Variants in UCK2 observed in about 807,000 individuals in gnomAD.
The protein encoded by UCK2 is uridine-cytidine kinase 2.
A neutral mutation model predicts 30.8 loss-of-function variants in UCK2; 6 were observed. The observed-to-expected ratio is 0.19, with a 90% CI of 0.11 to 0.38. The LOEUF (loss-of-function observed/expected upper bound fraction) is 0.38. UCK2 is among the 10% of genes least tolerant of loss of function. The pLI, the probability that UCK2 is intolerant of heterozygous loss-of-function variation, is 1.00. For synonymous variants in UCK2, 125 were observed against 133.6 expected (o/e 0.94, Z 0.45); for missense variants, 210 against 339.8 (o/e 0.62, Z 3.00).
intron 1 of UCK2, among the ~76,000 whole-genome samples, chr1:165,841,240 A>G (rs1026527181): frequency 2.0e-5 from 3 of 151,618 alleles, no homozygotes; most frequent in African/African-American, 4.8e-5. Context: ...CTGGAGTGCA[A>G]TGGCACGATC....
chr1:165,845,387 C>A (rs1271945914), intron 1 of UCK2, among the ~76,000 whole-genome samples: 1 of 152,104 alleles, frequency 6.6e-6, no homozygotes, highest in Non-Finnish European at 1.5e-5. Flanking sequence ...AAAGCTTTTC[C>A]TTTTCAATTA....
chr1:165,847,484 C>T (rs1452035938), intron 1 of UCK2, among the ~76,000 whole-genome samples: 1 of 152,176 alleles, frequency 6.6e-6, no homozygotes, highest in Non-Finnish European at 1.5e-5. Flanking sequence ...TTTAAATCCT[C>T]TAGCTATTTC....
intron 1 of UCK2, among the ~76,000 whole-genome samples, chr1:165,854,168 G>A (rs1305690275): frequency 6.6e-6 from 1 of 152,204 alleles, no homozygotes; most frequent in African/African-American, 2.4e-5. Context: ...GGAGCAGTGG[G>A]ATCTGGAGTG....
chr1:165,902,922 G>A lies in UCK2; in HGVS notation c.500-260G>A, dbSNP rs115172392. 2.1e-3 allele frequency: 618 copies of A among 293,760 alleles called. 4 individuals carry two copies. Among genetic ancestry groups the A allele is most frequent in the African/African-American group, 0.012 (575 of 46,370 alleles). 18.2% of individuals were successfully genotyped at this position (293,760 alleles called of 1,614,324 possible). A position where few individuals can be genotyped will look rare whatever the true frequency, so the allele number is the denominator to read the frequency against. On this transcript the variant is annotated intron_variant, in intron 4 of 6. Coordinates refer to ENST00000367879, the MANE Select transcript of UCK2 (RefSeq NM_012474.5). Reference sequence around the variant, plus strand: ...AGCAAATGTTGCTTGAAACAAGAAGGCTGTTGGCCTCCATGGACAGCCTTT... The same window carrying A: ...AGCAAATGTTGCTTGAAACAAGAAGACTGTTGGCCTCCATGGACAGCCTTT...
intron 4 of UCK2, among the ~76,000 whole-genome samples, chr1:165,901,505 G>A (rs192605327): frequency 6.8e-4 from 103 of 152,224 alleles, no homozygotes; most frequent in Middle Eastern, 3.4e-3. Context: ...CAGAAGTTCC[G>A]TCACAGATAT....
chr1:165,877,950 G>A (rs371050985), intron 1 of UCK2, among the ~76,000 whole-genome samples: 4 of 152,134 alleles, frequency 2.6e-5, no homozygotes, highest in African/African-American at 7.2e-5. Context: ...AGAGAGGTAC[G>A]TTGGTCACAG....
intron 1 of UCK2, among the ~76,000 whole-genome samples, chr1:165,862,277 A>G (rs560196212): frequency 5.3e-5 from 8 of 152,156 alleles, no homozygotes; most frequent in Non-Finnish European, 1.2e-4. Context: ...TTCATGCTGC[A>G]TTCTAAACAA....
intron 1 of UCK2, 60 bp downstream of exon 1, chr1:165,827,992 G>A (rs1653934371): frequency 1.7e-6 from 2 of 1,205,976 alleles, no homozygotes; most frequent in African/African-American, 1.6e-5. Flanking sequence ...CGGCGCATGT[G>A]GCCGGCGGCC....
intron 1 of UCK2, among the ~76,000 whole-genome samples, chr1:165,857,119 T>C (rs1306222068): frequency 6.6e-6 from 1 of 152,108 alleles, no homozygotes; most frequent in Non-Finnish European, 1.5e-5. Context: ...GGGTAGATGG[T>C]ATTATTCACC....
intron 1 of UCK2, among the ~76,000 whole-genome samples, chr1:165,846,888 A>C (rs1051666380): frequency 1.3e-5 from 2 of 152,104 alleles, no homozygotes; most frequent in African/African-American, 2.4e-5. Flanking sequence ...CATCAGGTGG[A>C]TGTATGGGCT....
chr1:165,906,478 TG>T, intron 6 of UCK2, among the ~76,000 whole-genome samples: 1 of 152,174 alleles, frequency 6.6e-6, no homozygotes. Context: ...CTCCAATTCC[TG>T]GGCCCAGCCT....
At chr1:165,833,376 G>A (rs971871253) in intron 1 of UCK2, among the ~76,000 whole-genome samples, 4 of 152,020 alleles carry the variant, frequency 2.6e-5, no homozygotes, top group African/African-American at 7.3e-5. Flanking sequence ...AAGGATGTCC[G>A]CATTTGCTGT....
Position 165,908,085 on chromosome 1 carries a change from A to C in UCK2, c.*262A>C, listed in dbSNP as rs1324569193. On this transcript the variant is annotated 3_prime_UTR_variant, in exon 7 of 7. Transcript: ENST00000367879. ...ATGAATCCAACGTGTAACCAGTTAT[A>C]AATACATATATATATAAAAAAGGAT... 1 of 357,676 alleles carries C rather than the reference A, an allele frequency of 2.8e-6. No homozygotes were observed. The highest frequency in any genetic ancestry group is 2.1e-5 in the African/African-American group (1 of 48,298). The allele number at this position is 357,676 out of a possible 1,614,324, so 22.2% of individuals were successfully genotyped here.
chr1:165,879,380 T>C (rs1655421389), intron 1 of UCK2, among the ~76,000 whole-genome samples: 1 of 152,188 alleles, frequency 6.6e-6, no homozygotes, highest in African/African-American at 2.4e-5. Flanking sequence ...CACCACTTCT[T>C]GAAAAGGCTG....
At chr1:165,828,224 A>T (rs1006097678) in intron 1 of UCK2, among the ~76,000 whole-genome samples, 1 of 151,996 alleles carries the variant, frequency 6.6e-6, no homozygotes, top group Non-Finnish European at 1.5e-5. Flanking sequence ...CCGGGGTCCT[A>T]TGGGGGAAGG....
chr1:165,840,703 A>C (rs972821343), intron 1 of UCK2, among the ~76,000 whole-genome samples: 3 of 152,230 alleles, frequency 2.0e-5, no homozygotes, highest in African/African-American at 7.2e-5. Context: ...CGACCTTTGA[A>C]GTTTCTTATT....
At chr1:165,894,099 C>T (rs1180678362) in intron 3 of UCK2, 1 of 152,134 alleles carries the variant, frequency 6.6e-6, no homozygotes, top group Non-Finnish European at 1.5e-5. Context: ...TAGATCCTCT[C>T]TCCCCCTGCC....
chr1:165,891,582 T>A (rs187739946), intron 3 of UCK2: 15 of 391,852 alleles, frequency 3.8e-5, no homozygotes, highest in African/African-American at 3.0e-4. Flanking sequence ...GGATAGTGAT[T>A]TCAGCTTGAG....
chr1:165,844,272 T>G (rs1432655353), intron 1 of UCK2, among the ~76,000 whole-genome samples: 1 of 152,182 alleles, frequency 6.6e-6, no homozygotes, highest in Non-Finnish European at 1.5e-5. Context: ...TCCCTCCTCG[T>G]AGTTGACATT....
Sources: allele counts gnomAD v4.1 joint callset (sites outside exome capture counted in the v4.1 genomes callset), GRCh38; gene constraint gnomAD v4.1.1; transcripts MANE v1.5; gene names NCBI Gene and HGNC (gene_info 2026-07-23, HGNC 2026-07-21).